The following SUSD4 variants were observed in gnomAD, a reference collection of about 807,000 sequenced individuals.
SUSD4 encodes the protein sushi domain-containing protein 4.
SUSD4 carries 41 observed loss-of-function variants against 50.5 expected under a neutral mutation model. That is an observed-to-expected ratio of 0.81 (90% confidence interval 0.63 to 1.05). The LOEUF (loss-of-function observed/expected upper bound fraction) is 1.05, where lower values mean the gene tolerates loss of function less well. Among genes scored for constraint, SUSD4 ranks in the 50% least tolerant of loss-of-function variants. The probability of loss-of-function intolerance (pLI) is 0.00; values close to 1 mark genes in which losing one functional copy is unlikely to be tolerated. For synonymous variants in SUSD4, 257 were observed against 257.3 expected, an observed-to-expected ratio of 1.00 and a Z score of 0.01; for missense variants, 580 against 634.7, an observed-to-expected ratio of 0.91 and a Z score of 0.93.
At chr1:223,276,270 T>A (rs1296861453) in intron 3 of SUSD4, among the ~76,000 whole-genome samples, 1 of 152,240 alleles carries the variant, frequency 6.6e-6, no homozygotes, top group Non-Finnish European at 1.5e-5. Context: ...AGGATCTGTG[T>A]ATGTGCTGAT....
chr1:223,257,627 T>C (rs1275630037), intron 5 of SUSD4, among the ~76,000 whole-genome samples: 1 of 152,236 alleles, frequency 6.6e-6, no homozygotes, highest in Admixed American at 6.5e-5. Flanking sequence ...TAATTCAAAA[T>C]CAGTGGCATG....
intron 4 of SUSD4, among the ~76,000 whole-genome samples, chr1:223,268,013 T>TTTTATATATATA (rs1553291076): frequency 1.9e-5 from 1 of 53,346 alleles, no homozygotes; most frequent in African/African-American, 1.1e-4. Context: ...CATGCATTTT[T>TTTTATATATATA]TATATATATA....
At chr1:223,256,750 A>G (rs1034863490) in intron 5 of SUSD4, among the ~76,000 whole-genome samples, 1 of 152,192 alleles carries the variant, frequency 6.6e-6, no homozygotes, top group African/African-American at 2.4e-5. Context: ...ACTCCTTTCC[A>G]TTCTGTCTGA....
At chr1:223,355,799 T>G (rs1668632374) in intron 2 of SUSD4, among the ~76,000 whole-genome samples, 1 of 152,196 alleles carries the variant, frequency 6.6e-6, no homozygotes, top group African/African-American at 2.4e-5. Context: ...CATCCTCTCT[T>G]GAAAACTCAA....
rs1057123233 is a variant in SUSD4 at position 223,332,956 on chromosome 1, G to A, written c.148+30322C>T. On this transcript the variant is annotated intron_variant, in intron 2 of 8. Transcript: ENST00000366878. This position sits in a 1 kb window ranked among gnomAD's most constrained non-coding sequence, Gnocchi z 4.0. ...CCTGATACTCTGCGTGGAAGCTGCC[G>A]CAACTGCACACCACACCCTCCTCTC... 1.3e-5 allele frequency among the ~76,000 whole-genome samples: 2 copies of A among 152,106 alleles called. No individual in the cohort carries two copies. The highest frequency in any genetic ancestry group is 2.1e-4 in the South Asian group (1 of 4,814).
At chr1:223,237,744 T>C (rs186916317) in intron 5 of SUSD4, among the ~76,000 whole-genome samples, 28 of 152,168 alleles carry the variant, frequency 1.8e-4, no homozygotes, top group Admixed American at 1.4e-3. Flanking sequence ...GGATTGGATT[T>C]GCTAGTATTC....
chr1:223,243,526 G>T (rs1004935013), intron 5 of SUSD4, among the ~76,000 whole-genome samples: 11 of 152,222 alleles, frequency 7.2e-5, no homozygotes, highest in African/African-American at 2.7e-4. Flanking sequence ...GGCTCAGAGG[G>T]CCCCCAGGGC....
chr1:223,331,475 C>T (rs1210839800), intron 2 of SUSD4, among the ~76,000 whole-genome samples: 2 of 152,200 alleles, frequency 1.3e-5, no homozygotes, highest in African/African-American at 4.8e-5. Context: ...CTGTGTCCCC[C>T]TGTGGTTGGG....
chr1:223,274,604 T>C (rs73122236), intron 3 of SUSD4, among the ~76,000 whole-genome samples: 6,080 of 152,288 alleles, frequency 0.04, 399 homozygotes, highest in African/African-American at 0.14. Context: ...TTAGTGTCTT[T>C]GTCTGGTGCA....
At chr1:223,287,778 G>T (rs987067469) in intron 3 of SUSD4, among the ~76,000 whole-genome samples, 4 of 152,154 alleles carry the variant, frequency 2.6e-5, no homozygotes, top group Non-Finnish European at 5.9e-5. Context: ...TCTCAGAGCT[G>T]CTCAAGAAAA....
intron 2 of SUSD4, among the ~76,000 whole-genome samples, chr1:223,334,099 C>T (rs1035967032): frequency 6.6e-6 from 1 of 151,900 alleles, no homozygotes; most frequent in Non-Finnish European, 1.5e-5. Context: ...TGAAAGGCAA[C>T]CTATGAGGAA....
At chr1:223,353,343 C>T (rs1467543477) in intron 2 of SUSD4, among the ~76,000 whole-genome samples, 3 of 152,168 alleles carry the variant, frequency 2.0e-5, no homozygotes, top group African/African-American at 7.2e-5. Flanking sequence ...AAAAATAGCC[C>T]TATGTGCAGT....
intron 2 of SUSD4, among the ~76,000 whole-genome samples, chr1:223,352,297 G>C (rs1668410943): frequency 6.6e-6 from 1 of 152,134 alleles, no homozygotes; most frequent in African/African-American, 2.4e-5. Context: ...AGATGACAAG[G>C]GGCAAGAGCT....
intron 2 of SUSD4, chr1:223,360,313 T>C (rs758110312): frequency 4.4e-6 from 2 of 458,458 alleles, no homozygotes; most frequent in South Asian, 3.2e-5. Flanking sequence ...TCAAGTGTAC[T>C]GGGGCAGAAA....
At chr1:223,287,297 G>A (rs968608959) in intron 3 of SUSD4, among the ~76,000 whole-genome samples, 7 of 152,154 alleles carry the variant, frequency 4.6e-5, no homozygotes, top group African/African-American at 1.4e-4. Flanking sequence ...GGCTGGTCTC[G>A]AACTCCTGGC....
Position 223,223,549 on chromosome 1 carries a change from C to T in SUSD4, c.1144G>A (p.Ala382Thr). Reference sequence around the variant, plus strand: ...AAGGCACTCAAGCCGCCACTCACAGCTTCGTCATAGGACGGGAGCATGACG... The same window carrying T: ...AAGGCACTCAAGCCGCCACTCACAGTTTCGTCATAGGACGGGAGCATGACG... ...VPVMLPSYDE[A>T]VSGGLSALGP... The change falls in exon 8 of 9, where the codon GCT (alanine) becomes ACT (threonine). Residue 382 changes from alanine to threonine, a missense_variant. Coordinates refer to ENST00000366878, the MANE Select transcript of SUSD4 (RefSeq NM_017982.4). 1.2e-6 allele frequency: 2 copies of T among 1,613,482 alleles called. No homozygotes were observed. The highest frequency in any genetic ancestry group is 2.2e-5 in the South Asian group (2 of 91,000).
Position 223,229,991 on chromosome 1 carries a change from A to G in SUSD4, c.725-603T>C, listed in dbSNP as rs1038586282. On this transcript the variant is annotated intron_variant, in intron 5 of 8. Coordinates refer to ENST00000366878, the MANE Select transcript of SUSD4 (RefSeq NM_017982.4). The surrounding 1 kb of genome is among the most constrained non-coding windows in gnomAD (Gnocchi z 4.7). ...GGCATGAGGCTTGGTTCTGCCACCA[A>G]CACCACACTGTGTGACCTTAAGCAG... 1.3e-5 allele frequency among the ~76,000 whole-genome samples: 2 copies of G among 152,166 alleles called. No individual in the cohort carries two copies. The highest frequency in any genetic ancestry group is 2.4e-5 in the African/African-American group (1 of 41,440).
chr1:223,327,813 C>T (rs572322958), intron 2 of SUSD4, among the ~76,000 whole-genome samples: 23 of 152,328 alleles, frequency 1.5e-4, no homozygotes, highest in African/African-American at 5.1e-4. Context: ...AGTTGTCACC[C>T]GCCTCAGAAA....
At chr1:223,250,647 C>T (rs1184324961) in intron 5 of SUSD4, among the ~76,000 whole-genome samples, 6 of 152,008 alleles carry the variant, frequency 3.9e-5, no homozygotes, top group South Asian at 2.1e-4. Context: ...GGAAGAGCAA[C>T]GATTTCATTA....
Sources: gnomAD v4.1 joint callset for allele counts (sites outside exome capture counted in the v4.1 genomes callset) on GRCh38, gnomAD v4.1.1 for gene constraint, Gnocchi (gnomAD v3.1) non-coding constraint, MANE v1.5 for transcripts, NCBI Gene and HGNC (gene_info 2026-07-23, HGNC 2026-07-21) for gene names.